RHOJ: variants seen among roughly 807,000 people sequenced by gnomAD.
The protein encoded by RHOJ is rho-related GTP-binding protein RhoJ.
Under a neutral mutation model 23.4 loss-of-function variants are expected in RHOJ, and 11 were observed. That is an observed-to-expected ratio of 0.47 (90% CI 0.30 to 0.78). The LOEUF (loss-of-function observed/expected upper bound fraction) is 0.78. Among genes scored for constraint, RHOJ ranks in the 30% least tolerant of loss-of-function variants. RHOJ has a pLI of 0.08. For missense variants in RHOJ, 254 were observed against 273.4 expected, an observed-to-expected ratio of 0.93 and a Z score of 0.50; for synonymous variants, 102 against 102.7, an observed-to-expected ratio of 0.99 and a Z score of 0.04.
At chr14:63,279,195 G>A (rs1881822251) in intron 2 of RHOJ, among the ~76,000 whole-genome samples, 1 of 152,206 alleles carries the variant, frequency 6.6e-6, no homozygotes, top group Non-Finnish European at 1.5e-5. Flanking sequence ...GAGTAGTCAT[G>A]CCCCTAATAA....
At position 63,292,285 on chromosome 14, in the gene RHOJ, T is replaced by G. The variant is rs1213311544; in HGVS notation, c.*1261T>G. The G allele has an allele frequency of 2.0e-5, 3 of 152,212 alleles. No homozygotes were observed. Among genetic ancestry groups the G allele is most frequent in the Non-Finnish European group, 1.5e-5 (1 of 68,042 alleles). The allele number at this position is 152,212 out of a possible 1,614,324, so 9.4% of individuals were successfully genotyped here. On this transcript the variant is annotated 3_prime_UTR_variant, in exon 5 of 5. Transcript: ENST00000316754. Reference sequence around the variant, plus strand: ...AGTGGATACCAAGCTCTGTATCCATTTGTCCCCTGCCCTCCACAATGTGTG... The same window carrying G: ...AGTGGATACCAAGCTCTGTATCCATGTGTCCCCTGCCCTCCACAATGTGTG...
chr14:63,227,614 T>C (rs1420824345), intron 1 of RHOJ, among the ~76,000 whole-genome samples: 2 of 152,160 alleles, frequency 1.3e-5, no homozygotes, highest in Non-Finnish European at 2.9e-5. Flanking sequence ...AAATCTCTAA[T>C]TACAACAGTG....
intron 1 of RHOJ, among the ~76,000 whole-genome samples, chr14:63,254,732 G>C (rs1895132536): frequency 6.6e-6 from 1 of 152,142 alleles, no homozygotes; most frequent in Admixed American, 6.5e-5. Flanking sequence ...AACTTCCCCA[G>C]CTGCTCCTAA....
chr14:63,278,772 C>G (rs1015911037), intron 2 of RHOJ, among the ~76,000 whole-genome samples: 1 of 152,004 alleles, frequency 6.6e-6, no homozygotes, highest in African/African-American at 2.4e-5. Context: ...ATTGCTTGAG[C>G]CCAGGAGTTC....
At chr14:63,282,281 CACAT>C (rs1412014608) in intron 3 of RHOJ, among the ~76,000 whole-genome samples, 1 of 136,356 alleles carries the variant, frequency 7.3e-6, no homozygotes, top group Non-Finnish European at 1.5e-5. Context: ...CACACACAAA[CACAT>C]GCACACACAC....
chr14:63,247,170 G>T (rs940759433), intron 1 of RHOJ, among the ~76,000 whole-genome samples: 2 of 152,200 alleles, frequency 1.3e-5, no homozygotes, highest in African/African-American at 4.8e-5. Context: ...CTAAGAAAAA[G>T]TTGGTAGAAT....
chr14:63,245,420 G>A (rs1185425280), intron 1 of RHOJ, among the ~76,000 whole-genome samples: 1 of 152,134 alleles, frequency 6.6e-6, no homozygotes, highest in Non-Finnish European at 1.5e-5. Flanking sequence ...TGAGGAGGCA[G>A]GAGAATGACT....
chr14:63,290,504 C>G lies in RHOJ; in HGVS notation c.499-374C>G, dbSNP rs1955671. On this transcript the variant is annotated intron_variant, in intron 4 of 4. Transcript: ENST00000316754. ...AAAAACAAGATCATGCACCCCTGTT[C>G]TTCACAAAACATATTTAAATTATAT... Among the ~76,000 whole-genome samples the G allele has an allele frequency of 2.0e-5, 3 of 152,200 alleles. No individual in the cohort carries two copies. In the East Asian group the frequency reaches 5.8e-4, roughly 29 times the overall value.
intron 1 of RHOJ, among the ~76,000 whole-genome samples, chr14:63,260,647 T>G (rs1895255557): frequency 1.3e-5 from 2 of 152,254 alleles, no homozygotes; most frequent in South Asian, 4.1e-4. Context: ...TATCTCCTGC[T>G]ATCTGCACAT....
rs575975362 is a variant in RHOJ at position 63,231,330 on chromosome 14, A to G, written c.178+26283A>G. Among the ~76,000 whole-genome samples the G allele has an allele frequency of 2.0e-5, 3 of 152,332 alleles. No homozygotes were observed. The South Asian group carries it at 6.2e-4, about 32-fold the overall frequency. ...AGTACTTATGAATAAGCACAGAAAC[A>G]TTTACCAGTTCCATAATTCACTAGT... On this transcript the variant is annotated intron_variant, in intron 1 of 4. Coordinates refer to ENST00000316754, the MANE Select transcript of RHOJ (RefSeq NM_020663.5).
At chr14:63,252,769 G>A (rs374608033) in intron 1 of RHOJ, among the ~76,000 whole-genome samples, 1 of 152,078 alleles carries the variant, frequency 6.6e-6, no homozygotes, top group Non-Finnish European at 1.5e-5. Context: ...CATGAAAATG[G>A]AATAAGATAT....
chr14:63,230,884 AG>A (rs546605951), intron 1 of RHOJ, among the ~76,000 whole-genome samples: 2 of 130,388 alleles, frequency 1.5e-5, no homozygotes, highest in African/African-American at 6.4e-5. Context: ...TCTGTCGCCC[AG>A]GCTGGAGTGC....
At chr14:63,283,360 T>A (rs1881974929) in intron 4 of RHOJ, 144 bp downstream of exon 4, 1 of 695,470 alleles carries the variant, frequency 1.4e-6, no homozygotes, top group African/African-American at 1.8e-5. Flanking sequence ...TCTCCCCCTC[T>A]GTTCTAGTCG....
chr14:63,222,669 G>T (rs933980009), intron 1 of RHOJ, among the ~76,000 whole-genome samples: 2 of 152,164 alleles, frequency 1.3e-5, no homozygotes, highest in African/African-American at 2.4e-5. Flanking sequence ...TTTTGATGGG[G>T]TTGTTTGTTT....
rs74061916 is a variant in RHOJ at position 63,276,802 on chromosome 14, G to C, written c.238-4169G>C. Among the ~76,000 whole-genome samples, 828 of 152,290 alleles carry C rather than the reference G, an allele frequency of 5.4e-3. 12 individuals carry two copies. The highest frequency in any genetic ancestry group is 0.02 in the African/African-American group (812 of 41,548). ...AAATAGAAATCCTTTGATAGCCACTGGGTTAAAAAATCAGACAAGCATACT... is the reference window on the plus strand; with the variant it reads ...AAATAGAAATCCTTTGATAGCCACTCGGTTAAAAAATCAGACAAGCATACT... On this transcript the variant is annotated intron_variant, in intron 2 of 4. Coordinates refer to ENST00000316754, the MANE Select transcript of RHOJ (RefSeq NM_020663.5).
Position 63,258,807 on chromosome 14 carries a change from T to C in RHOJ, c.179-10303T>C, listed in dbSNP as rs191371434. ...TTCAGGATTTGAATCCACTCTGGTG[T>C]CTTTATCTTTCAGGTGAGATCAGAA... On this transcript the variant is annotated intron_variant, in intron 1 of 4. Transcript: ENST00000316754. Among the ~76,000 whole-genome samples the C allele has an allele frequency of 3.3e-5, 5 of 152,366 alleles. No homozygotes were observed. The East Asian group carries it at 9.6e-4, about 29-fold the overall frequency.
intron 2 of RHOJ, among the ~76,000 whole-genome samples, chr14:63,276,297 G>A (rs1233606030): frequency 3.3e-5 from 5 of 152,180 alleles, no homozygotes; most frequent in African/African-American, 7.2e-5. Flanking sequence ...ACTGAAGAGC[G>A]TAGTTTGGAA....
intron 1 of RHOJ, among the ~76,000 whole-genome samples, chr14:63,239,569 T>C (rs1439625842): frequency 6.6e-6 from 1 of 152,198 alleles, no homozygotes; most frequent in African/African-American, 2.4e-5. Context: ...ATGGACTCCT[T>C]TGAAAAAATT....
chr14:63,219,814 CAA>C (rs35915504), intron 1 of RHOJ, among the ~76,000 whole-genome samples: 23,418 of 129,748 alleles, frequency 0.18, 2,157 homozygotes, highest in East Asian at 0.36. Context: ...GATTGCATCT[CAA>C]AAAAAAAAAA....
Sources: allele counts gnomAD v4.1 joint callset (sites outside exome capture counted in the v4.1 genomes callset), GRCh38; gene constraint gnomAD v4.1.1; transcripts MANE v1.5; gene names NCBI Gene and HGNC (gene_info 2026-07-23, HGNC 2026-07-21).